The following GPR141 variants were observed in gnomAD, a reference collection of about 807,000 sequenced individuals.
The protein encoded by GPR141 is G protein-coupled receptor 141.
In GPR141, 6 loss-of-function variants were observed where a neutral mutation model predicts 6.8. The ratio of observed to expected loss-of-function variants is 0.88; its 90% CI spans 0.48 to 1.74. The LOEUF (loss-of-function observed/expected upper bound fraction) is 1.74. Among genes scored for constraint, GPR141 ranks in the 40% most tolerant of loss-of-function variants. The pLI, the probability that GPR141 is intolerant of heterozygous loss-of-function variation, is 0.01. For missense variants in GPR141, 372 were observed against 372.9 expected (o/e 1.00, Z 0.02); for synonymous variants, 140 against 142.3 (o/e 0.98, Z 0.11).
At chr7:37,686,993 G>T (rs1281312948) in intron 2 of GPR141, among the ~76,000 whole-genome samples, 1 of 152,124 alleles carries the variant, frequency 6.6e-6, no homozygotes, top group Non-Finnish European at 1.5e-5. Flanking sequence ...GTAGAAGATA[G>T]TATCAGCTGG....
intron 2 of GPR141, among the ~76,000 whole-genome samples, chr7:37,717,227 C>T (rs967193623): frequency 3.3e-5 from 5 of 152,098 alleles, no homozygotes; most frequent in African/African-American, 7.2e-5. Flanking sequence ...TGAGGGCTTG[C>T]GAGAAGAAGA....
At position 37,705,484 on chromosome 7, in the gene GPR141, T is replaced by A. The variant is rs1291024586; in HGVS notation, c.-15+19901T>A. 2.0e-5 allele frequency among the ~76,000 whole-genome samples: 3 copies of A among 152,184 alleles called. No homozygotes were observed. The East Asian group carries it at 5.8e-4, about 29-fold the overall frequency. On this transcript the variant is annotated intron_variant, in intron 2 of 2. Transcript: ENST00000334425. ...CAGTTGGATTCTGGCTTATGCTAAT[T>A]GTCTGAAGGAAAGTACATCTGCAAA... is the stretch of plus-strand genomic sequence containing the variant.
intron 2 of GPR141, among the ~76,000 whole-genome samples, chr7:37,687,498 T>G (rs1463609558): frequency 2.0e-5 from 3 of 152,156 alleles, no homozygotes; most frequent in African/African-American, 7.2e-5. Flanking sequence ...GCAGTATCAC[T>G]CTATATTAAA....
intron 2 of GPR141, among the ~76,000 whole-genome samples, chr7:37,739,886 TAATC>T (rs1398599206): frequency 6.6e-6 from 1 of 152,220 alleles, no homozygotes; most frequent in Non-Finnish European, 1.5e-5. Context: ...TTGGTCAAAT[TAATC>T]AGTATTCTAA....
chr7:37,691,136 C>T (rs76074729), intron 2 of GPR141, among the ~76,000 whole-genome samples: 3 of 151,880 alleles, frequency 2.0e-5, no homozygotes, highest in African/African-American at 7.3e-5. Context: ...TACTCCTGCT[C>T]ACGTTTGGTT....
At chr7:37,732,037 TTTTATTTA>T (rs59467979) in intron 2 of GPR141, among the ~76,000 whole-genome samples, 1 of 146,094 alleles carries the variant, frequency 6.8e-6, no homozygotes, top group Non-Finnish European at 1.5e-5. Context: ...TTTTTTTTAT[TTTTATTTA>T]TTTATTTATT....
intron 2 of GPR141, among the ~76,000 whole-genome samples, chr7:37,733,750 G>A (rs912499506): frequency 6.6e-6 from 1 of 151,734 alleles, no homozygotes; most frequent in African/African-American, 2.4e-5. Context: ...TACCATTCCA[G>A]TTATTGCCCA....
intron 2 of GPR141, among the ~76,000 whole-genome samples, chr7:37,739,716 G>C (rs1397958891): frequency 1.3e-5 from 2 of 152,162 alleles, no homozygotes; most frequent in African/African-American, 4.8e-5. Context: ...AGGCCTTTGA[G>C]AGTAGGAGAT....
chr7:37,698,552 G>A (rs2131748271), intron 2 of GPR141, among the ~76,000 whole-genome samples: 1 of 152,258 alleles, frequency 6.6e-6, no homozygotes, highest in East Asian at 1.9e-4. Context: ...TTTTGGTTGG[G>A]TAACTGGGGA....
chr7:37,696,244 T>C (rs1810009502), intron 2 of GPR141, among the ~76,000 whole-genome samples: 1 of 152,216 alleles, frequency 6.6e-6, no homozygotes, highest in Admixed American at 6.5e-5. Flanking sequence ...GGTTAATGGA[T>C]GTCTTCTAAG....
intron 2 of GPR141, among the ~76,000 whole-genome samples, chr7:37,735,174 A>G (rs1812172288): frequency 6.6e-6 from 1 of 152,194 alleles, no homozygotes; most frequent in Admixed American, 6.5e-5. Context: ...TAAAATACAG[A>G]AGTTATTTGC....
Position 37,743,748 on chromosome 7 carries a change from G to T in GPR141, c.*2437G>T, listed in dbSNP as rs1812680994. Among the ~76,000 whole-genome samples, 1 of 151,932 alleles carries T rather than the reference G, an allele frequency of 6.6e-6. No homozygotes were observed. Among genetic ancestry groups the T allele is most frequent in the African/African-American group, 2.4e-5 (1 of 41,376 alleles). ...ATATATTATAATAACAGGCTTATTAGAAATGTTCTCAAAAGATAGAAATGC... is the reference window on the plus strand; with the variant it reads ...ATATATTATAATAACAGGCTTATTATAAATGTTCTCAAAAGATAGAAATGC... On this transcript the variant is annotated 3_prime_UTR_variant, in exon 3 of 3. Transcript: ENST00000334425.
At chr7:37,705,850 A>G (rs1810500531) in intron 2 of GPR141, among the ~76,000 whole-genome samples, 2 of 152,198 alleles carry the variant, frequency 1.3e-5, no homozygotes, top group African/African-American at 4.8e-5. Context: ...TGATGCATCA[A>G]TCCGGATGCC....
At chr7:37,696,920 G>C (rs1810042683) in intron 2 of GPR141, among the ~76,000 whole-genome samples, 2 of 151,926 alleles carry the variant, frequency 1.3e-5, no homozygotes, top group African/African-American at 4.8e-5. Flanking sequence ...GCGTTTTCTG[G>C]AAAAAATTTT....
chr7:37,729,061 G>C (rs1038979749), intron 2 of GPR141, among the ~76,000 whole-genome samples: 1 of 152,182 alleles, frequency 6.6e-6, no homozygotes, highest in African/African-American at 2.4e-5. Flanking sequence ...AAGAATGACA[G>C]GTAAGTCTGA....
intron 2 of GPR141, among the ~76,000 whole-genome samples, chr7:37,705,027 A>G (rs1343878946): frequency 2.6e-5 from 4 of 152,208 alleles, no homozygotes; most frequent in African/African-American, 9.7e-5. Flanking sequence ...AGTATGCAAT[A>G]GCCACTCTAA....
rs182726492 is a variant in GPR141, at chr7:37,742,193, G to A, written c.*882G>A. The stretch of plus-strand genomic sequence containing the variant: ...CACAGTTAATTAAGATTTTTAGGGG[G>A]GACAGAAAGTTATACTGAAATCTTT... On this transcript the variant is annotated 3_prime_UTR_variant, in exon 3 of 3. Coordinates refer to ENST00000334425, the MANE Select transcript of GPR141 (RefSeq NM_001381946.1). Among the ~76,000 whole-genome samples the A allele has an allele frequency of 6.6e-6, 1 of 151,860 alleles. No individual in the cohort carries two copies. The highest frequency in any genetic ancestry group is 6.6e-5 in the Admixed American group (1 of 15,262).
chr7:37,709,126 T>A (rs941282762), intron 2 of GPR141, among the ~76,000 whole-genome samples: 1 of 152,210 alleles, frequency 6.6e-6, no homozygotes, highest in Non-Finnish European at 1.5e-5. Context: ...GAAAAGCATA[T>A]GAAAATAGTC....
In GPR141 at chr7:37,743,513, T is replaced by C. The variant is rs927181324; in HGVS notation, c.*2202T>C. On this transcript the variant is annotated 3_prime_UTR_variant, in exon 3 of 3. Transcript: ENST00000334425. Reference sequence around the variant, plus strand: ...TTTGTAAGACCGTTACTAAGACCCCTGATAGTTTTAAGAAAATTTATAATA... The same window carrying C: ...TTTGTAAGACCGTTACTAAGACCCCCGATAGTTTTAAGAAAATTTATAATA... Among the ~76,000 whole-genome samples, 5 of 151,546 alleles carry C rather than the reference T, an allele frequency of 3.3e-5. No individual in the cohort carries two copies. The East Asian group carries it at 7.7e-4, about 23-fold the overall frequency.
Sources: gnomAD v4.1 joint callset for allele counts (sites outside exome capture counted in the v4.1 genomes callset) on GRCh38, gnomAD v4.1.1 for gene constraint, MANE v1.5 for transcripts, NCBI Gene and HGNC (gene_info 2026-07-23, HGNC 2026-07-21) for gene names.